RORA: variants seen among roughly 807,000 people sequenced by gnomAD.
RORA encodes the protein RAR related orphan receptor A.
A neutral mutation model predicts 69.5 loss-of-function variants in RORA; 7 were observed. The observed-to-expected ratio is 0.10, with a 90% confidence interval of 0.06 to 0.19. The LOEUF (loss-of-function observed/expected upper bound fraction) is 0.19. Among genes scored for constraint, RORA ranks in the 10% least tolerant of loss-of-function variants. The pLI is 1.00. For missense variants in RORA, 457 were observed against 663.0 expected (o/e 0.69, Z 3.41); for synonymous variants, 261 against 240.8 (o/e 1.08, Z -0.78).
chr15:60,806,933 T>C (rs1286710406), intron 1 of RORA, among the ~76,000 whole-genome samples: 2 of 152,140 alleles, frequency 1.3e-5, no homozygotes, highest in African/African-American at 4.8e-5. Flanking sequence ...AAACCATCTA[T>C]GACAAACCCA....
chr15:60,990,672 C>A (rs60804652), intron 1 of RORA, among the ~76,000 whole-genome samples: 34,084 of 151,972 alleles, frequency 0.22, 4,773 homozygotes, highest in African/African-American at 0.4. Context: ...ATTACAAAGT[C>A]ATTTCCTCAC....
At chr15:60,914,956 T>A (rs1891830072) in intron 1 of RORA, among the ~76,000 whole-genome samples, 2 of 152,186 alleles carry the variant, frequency 1.3e-5, no homozygotes, top group Non-Finnish European at 2.9e-5. Context: ...TGCTTCCACC[T>A]TTCATTTCGG....
chr15:61,172,337 CCAGCTGCTA>C (rs2079592444), intron 1 of RORA, among the ~76,000 whole-genome samples: 1 of 152,110 alleles, frequency 6.6e-6, no homozygotes, highest in Admixed American at 6.5e-5. Context: ...GGCACAAAGG[CCAGCTGCTA>C]CATGAAGTAT....
intron 1 of RORA, among the ~76,000 whole-genome samples, chr15:60,727,712 C>T (rs1403030105): frequency 6.6e-6 from 1 of 152,132 alleles, no homozygotes; most frequent in African/African-American, 2.4e-5. Context: ...AAGAATCTGT[C>T]CCTGTCCTTA....
chr15:60,750,130 T>G (rs528799383), intron 1 of RORA, among the ~76,000 whole-genome samples: 1 of 152,236 alleles, frequency 6.6e-6, no homozygotes, highest in South Asian at 2.1e-4. Context: ...AGATGGATAC[T>G]ATTATCAGCT....
At chr15:60,505,730 G>A (rs150315791) in intron 5 of RORA, 101 bp from the exon 6 acceptor site, 1 of 1,366,100 alleles carries the variant, frequency 7.3e-7, no homozygotes, top group African/African-American at 1.4e-5. Context: ...AAAACAATGT[G>A]CTGTGCGAGT....
Position 60,516,197 on chromosome 15 carries a change from TTA to T in RORA, c.283-1442_283-1441del, listed in dbSNP as rs1239658387. Among the ~76,000 whole-genome samples the T allele has an allele frequency of 6.8e-4, 9 of 13,198 alleles. 1 individual carries two copies. The highest frequency in any genetic ancestry group is 1.6e-3 in the African/African-American group (4 of 2,576). The allele number at this position is 13,198 out of a possible 152,430, so 8.7% of individuals were successfully genotyped here. ...TTTATATATATATTTATATATATATTTATATATATATTTATATATATATATTT... is the reference window on the plus strand; with the variant it reads ...TTTATATATATATTTATATATATATTTATATATATTTATATATATATATTT... On this transcript the variant is annotated intron_variant, in intron 3 of 10. Coordinates refer to ENST00000335670, the MANE Select transcript of RORA (RefSeq NM_134261.3).
intron 1 of RORA, among the ~76,000 whole-genome samples, chr15:60,919,308 C>G (rs1371168440): frequency 6.6e-6 from 1 of 152,120 alleles, no homozygotes; most frequent in Admixed American, 6.5e-5. Context: ...CAGGAGACCC[C>G]TCGTTTAATA....
chr15:60,746,874 C>T (rs4775292), intron 1 of RORA, among the ~76,000 whole-genome samples: 40,503 of 152,122 alleles, frequency 0.27, 6,619 homozygotes, highest in Non-Finnish European at 0.38. Context: ...TAGTTAAACC[C>T]GAGGAACTAG....
intron 1 of RORA, among the ~76,000 whole-genome samples, chr15:61,186,466 C>T (rs1025266159): frequency 6.6e-6 from 1 of 151,804 alleles, no homozygotes; most frequent in South Asian, 2.1e-4. Context: ...CATGGTGGAA[C>T]CCTGTCTCTA....
intron 1 of RORA, among the ~76,000 whole-genome samples, chr15:61,045,026 A>G (rs1896955893): frequency 6.6e-6 from 1 of 152,236 alleles, no homozygotes; most frequent in East Asian, 1.9e-4. Flanking sequence ...TCCTTAGCTC[A>G]GTTAATATTG....
At chr15:60,983,917 T>C (rs558389526) in intron 1 of RORA, among the ~76,000 whole-genome samples, 1 of 152,196 alleles carries the variant, frequency 6.6e-6, no homozygotes, top group East Asian at 1.9e-4. Context: ...AATAAATCTC[T>C]TCAAATATTT....
intron 1 of RORA, among the ~76,000 whole-genome samples, chr15:60,923,415 T>C (rs1024315620): frequency 1.3e-5 from 2 of 152,130 alleles, no homozygotes; most frequent in African/African-American, 4.8e-5. Context: ...CTCAAACAAA[T>C]GTATGTGGGA....
At chr15:60,791,451 T>C (rs2072416497) in intron 1 of RORA, among the ~76,000 whole-genome samples, 1 of 152,246 alleles carries the variant, frequency 6.6e-6, no homozygotes, top group African/African-American at 2.4e-5. Flanking sequence ...GTCTGTCCCC[T>C]GAAACATGAA....
intron 1 of RORA, among the ~76,000 whole-genome samples, chr15:60,959,925 T>C (rs1893368249): frequency 1.3e-5 from 2 of 152,214 alleles, no homozygotes; most frequent in African/African-American, 4.8e-5. Context: ...CATCTCTCTT[T>C]CCTGGCCTTG....
chr15:60,932,220 G>A (rs1359969685), intron 1 of RORA, among the ~76,000 whole-genome samples: 2 of 152,114 alleles, frequency 1.3e-5, no homozygotes, highest in Non-Finnish European at 2.9e-5. Context: ...AGAAGGTGGG[G>A]TTGCTTGAGA....
chr15:61,000,902 C>A (rs557424353), intron 1 of RORA, among the ~76,000 whole-genome samples: 6 of 152,122 alleles, frequency 3.9e-5, no homozygotes, highest in Non-Finnish European at 8.8e-5. Flanking sequence ...CCTCTTGGGC[C>A]TCAGTTTCTT....
intron 1 of RORA, among the ~76,000 whole-genome samples, chr15:61,023,815 T>A (rs1895661384): frequency 6.6e-6 from 1 of 152,224 alleles, no homozygotes; most frequent in Non-Finnish European, 1.5e-5. Context: ...CTTTTCATCA[T>A]TTCACATGGG....
chr15:60,994,457 C>G (rs1894469053), intron 1 of RORA, among the ~76,000 whole-genome samples: 1 of 152,184 alleles, frequency 6.6e-6, no homozygotes, highest in South Asian at 2.1e-4. Flanking sequence ...CTATTCAAAA[C>G]CCCTCCCTTC....
Sources: gnomAD v4.1 joint callset for allele counts (sites outside exome capture counted in the v4.1 genomes callset) on GRCh38, gnomAD v4.1.1 for gene constraint, MANE v1.5 for transcripts, NCBI Gene and HGNC (gene_info 2026-07-23, HGNC 2026-07-21) for gene names.